The following MOG variants were observed in gnomAD, a reference collection of about 807,000 sequenced individuals.
MOG encodes the protein myelin oligodendrocyte glycoprotein.
MOG carries 20 observed loss-of-function variants against 35.9 expected under a neutral mutation model. That is an observed-to-expected ratio of 0.56 (90% CI 0.39 to 0.81). The LOEUF is 0.81. Ranked by LOEUF, MOG falls within the 30% of genes least tolerant of loss-of-function variation. The pLI is 0.00. For missense variants in MOG, 251 were observed against 301.0 expected, an observed-to-expected ratio of 0.83 and a Z score of 1.23; for synonymous variants, 92 against 114.3, an observed-to-expected ratio of 0.80 and a Z score of 1.25.
In MOG at chr6:29,671,660, A is replaced by C. The variant is rs1363805948; in HGVS notation, c.*475A>C. ...AAGGGAAGGAAGAGGAAGAGTGCAA[A>C]ACATTGAAGAGAGAGCTGAGTGAGC... On this transcript the variant is annotated 3_prime_UTR_variant, in exon 8 of 8. Transcript: ENST00000376917. The C allele has an allele frequency of 3.2e-6, 2 of 615,650 alleles. No homozygotes were observed. Among genetic ancestry groups the C allele is most frequent in the East Asian group, 2.7e-5 (1 of 36,558 alleles). 38.1% of individuals were successfully genotyped at this position (615,650 alleles called of 1,614,324 possible).
rs3095293 is a variant in MOG at position 29,660,564 on chromosome 6, A to G, written c.436+898A>G. On this transcript the variant is annotated intron_variant, in intron 2 of 7. Transcript: ENST00000376917. ...AAAAAAACCCTGTATTTGTGAGCGC[A>G]CACACACACACACACACACACACAC... 5.5e-3 allele frequency among the ~76,000 whole-genome samples: 300 copies of G among 54,264 alleles called. 6 individuals carry two copies. The highest frequency in any genetic ancestry group is 0.029 in the East Asian group (54 of 1,894). 35.6% of individuals were successfully genotyped at this position (54,264 alleles called of 152,430 possible). A position where few individuals can be genotyped will look rare whatever the true frequency, so the allele number is the denominator to read the frequency against.
chr6:29,671,994 A>C lies in MOG; in HGVS notation c.*809A>C, dbSNP rs183570283. 2.2e-3 allele frequency: 341 copies of C among 157,122 alleles called. 8 individuals carry two copies. Among genetic ancestry groups the C allele is most frequent in the Middle Eastern group, 0.013 (4 of 300 alleles). 9.7% of individuals were successfully genotyped at this position (157,122 alleles called of 1,614,324 possible). The stretch of plus-strand genomic sequence containing the variant: ...AAACAAGCTAGGTGCTAATTAATAA[A>C]GATACGAGTTTTGGCCGGGTGCGGT... On this transcript the variant is annotated 3_prime_UTR_variant, in exon 8 of 8. Coordinates refer to ENST00000376917, the MANE Select transcript of MOG (RefSeq NM_206809.4).
At position 29,659,593 on chromosome 6, in the gene MOG, T is replaced by C; in HGVS notation, c.363T>C (p.Asp121=). 2 of 1,613,098 alleles carry C rather than the reference T, an allele frequency of 1.2e-6. No homozygotes were observed. Among genetic ancestry groups the C allele is most frequent in the Non-Finnish European group, 1.7e-6 (2 of 1,180,040 alleles). The change falls in exon 2 of 8, where the codon GAT becomes GAC. Residue 121 remains aspartate, a synonymous_variant. Coordinates refer to ENST00000376917, the MANE Select transcript of MOG (RefSeq NM_206809.4). Reference sequence around the variant, plus strand: ...GGATCCGGAATGTAAGGTTCTCAGATGAAGGAGGTTTCACCTGCTTCTTCC... The same window carrying C: ...GGATCCGGAATGTAAGGTTCTCAGACGAAGGAGGTTTCACCTGCTTCTTCC... The part of the protein sequence containing the change: ...TLRIRNVRFS[D]EGGFTCFFRD...
chr6:29,659,543 A>G lies in MOG; in HGVS notation c.313A>G (p.Ile105Val), dbSNP rs1411616152. Residue 105 changes from isoleucine (I) to valine (V), a missense_variant, in exon 2 of 8, where the codon ATT becomes GTT. Ile to Val is a conservative substitution (Grantham distance 29). Transcript: ENST00000376917. The part of the protein sequence containing the change: ...RGRTELLKDA[I>V]GEGKVTLRIR... ...CCGGACAGAGCTGCTGAAAGATGCTATTGGTGAGGGAAAGGTGACTCTCAG... is the reference window on the plus strand; with the variant it reads ...CCGGACAGAGCTGCTGAAAGATGCTGTTGGTGAGGGAAAGGTGACTCTCAG... The G allele has an allele frequency of 7.4e-6, 12 of 1,612,936 alleles. No homozygotes were observed. In the East Asian group the frequency reaches 1.1e-4, roughly 15 times the overall value.
chr6:29,660,809 A>G (rs1180688534), intron 2 of MOG, among the ~76,000 whole-genome samples: 1 of 150,634 alleles, frequency 6.6e-6, no homozygotes. Flanking sequence ...CCTGGGTTCA[A>G]GTGATTCTCC....
Position 29,667,887 on chromosome 6 carries a change from A to G in MOG, c.572-17A>G. 6.2e-7 allele frequency: 1 copy of G among 1,613,756 alleles called. No homozygotes were observed. Among genetic ancestry groups the G allele is most frequent in the Non-Finnish European group, 8.5e-7 (1 of 1,179,928 alleles). On this transcript the variant is annotated splice_polypyrimidine_tract_variant and intron_variant, in intron 4 of 7. Transcript: ENST00000376917. The stretch of plus-strand genomic sequence containing the variant: ...TGAGTGCCCTACTAAATCCATTTCC[A>G]TTTGTTTCTCTTTCAGAGAATCTCC...
chr6:29,667,326 G>A (rs1351808848), intron 3 of MOG, among the ~76,000 whole-genome samples: 1 of 150,906 alleles, frequency 6.6e-6, no homozygotes, highest in African/African-American at 2.4e-5. Context: ...GATAAACAAA[G>A]TGGCAACGCA....
At position 29,667,643 on chromosome 6, in the gene MOG, G is replaced by C. The variant is rs769919169; in HGVS notation, c.551G>C (p.Gly184Ala). 6.2e-7 allele frequency: 1 copy of C among 1,613,892 alleles called. No individual in the cohort carries two copies. The highest frequency in any genetic ancestry group is 2.2e-5 in the East Asian group (1 of 44,870). ...IFLCLQYRLR[G>A]KLRAEIENLH... ...AAAATGTTGCCTTTTTCTATTTTAG[G>C]AAAACTTCGAGCAGAGATAGGTGAG... The change falls in exon 4 of 8, where the codon GGA (glycine) becomes GCA (alanine). Residue 184 changes from glycine to alanine, a missense_variant and splice_region_variant. Coordinates refer to ENST00000376917, the MANE Select transcript of MOG (RefSeq NM_206809.4).
chr6:29,661,420 G>A (rs1377675355), intron 2 of MOG: 2 of 985,364 alleles, frequency 2.0e-6, no homozygotes, highest in Non-Finnish European at 2.4e-6. Context: ...CGAAAAGTTT[G>A]ATAGTGAGAC....
chr6:29,667,593 C>T, intron 3 of MOG, 50 bp from the exon 4 acceptor site: 2 of 1,611,862 alleles, frequency 1.2e-6, no homozygotes, highest in Non-Finnish European at 1.7e-6. Context: ...AGGGTCCCCA[C>T]CGAGAGCCAG....
intron 3 of MOG, among the ~76,000 whole-genome samples, chr6:29,666,734 T>C (rs2857768): frequency 0.053 from 8,059 of 152,244 alleles, 428 homozygotes; most frequent in African/African-American, 0.14. Context: ...TTGTTTCCTC[T>C]TTCTCCATTC....
Position 29,671,741 on chromosome 6 carries a change from A to G in MOG, c.*556A>G, listed in dbSNP as rs1045019430. 3.8e-6 allele frequency: 2 copies of G among 525,486 alleles called. No individual in the cohort carries two copies. Among genetic ancestry groups the G allele is most frequent in the Non-Finnish European group, 6.8e-6 (2 of 295,164 alleles). 32.6% of individuals were successfully genotyped at this position (525,486 alleles called of 1,614,324 possible). On this transcript the variant is annotated 3_prime_UTR_variant, in exon 8 of 8. Transcript: ENST00000376917. ...CAAACCTGGAGATGGGGAGAAACCT[A>G]CAGAATACTAGCCAGAGCTCCTCCT...
rs772760184 is a variant in MOG at position 29,659,375 on chromosome 6, G to A, written c.145G>A (p.Val49Met). Reference protein sequence around the residue: ...HPIRALVGDEVELPCRISPGK... With the variant: ...HPIRALVGDEMELPCRISPGK... ...TATCCGGGCTCTGGTCGGGGATGAA[G>A]TGGAATTGCCATGTCGCATATCTCC... is the stretch of plus-strand genomic sequence containing the variant. The change falls in exon 2 of 8, where the codon GTG becomes ATG. Residue 49 changes from valine (V) to methionine (M), a missense_variant. By Grantham distance (21) the Val-to-Met change is conservative. Coordinates refer to ENST00000376917, the MANE Select transcript of MOG (RefSeq NM_206809.4). 1 of 1,613,034 alleles carries A rather than the reference G, an allele frequency of 6.2e-7. No individual in the cohort carries two copies. Among genetic ancestry groups the A allele is most frequent in the East Asian group, 2.2e-5 (1 of 44,872 alleles).
chr6:29,669,082 A>G (rs1386481123), intron 5 of MOG, among the ~76,000 whole-genome samples: 43 of 151,956 alleles, frequency 2.8e-4, no homozygotes, highest in Non-Finnish European at 4.4e-5. Context: ...CACCACACCC[A>G]GCTAATTTTT....
intron 2 of MOG, among the ~76,000 whole-genome samples, chr6:29,665,270 A>AT (rs1440599625): frequency 6.6e-6 from 1 of 151,568 alleles, no homozygotes; most frequent in Non-Finnish European, 1.5e-5. Flanking sequence ...CTAATTTTGT[A>AT]TTTTTAGTAG....
chr6:29,667,098 T>G (rs1448028320), intron 3 of MOG, among the ~76,000 whole-genome samples: 1 of 152,160 alleles, frequency 6.6e-6, no homozygotes, highest in Non-Finnish European at 1.5e-5. Context: ...GCAGCCTGGG[T>G]TTGAATTCCA....
intron 2 of MOG, among the ~76,000 whole-genome samples, chr6:29,660,584 ACAC>A (rs1562182915): frequency 2.0e-5 from 3 of 148,784 alleles, no homozygotes; most frequent in African/African-American, 7.5e-5. Context: ...ACACACACAC[ACAC>A]ACCTGTGCTT....
intron 3 of MOG, among the ~76,000 whole-genome samples, chr6:29,666,559 C>T (rs950096607): frequency 9.9e-5 from 15 of 152,048 alleles, no homozygotes; most frequent in African/African-American, 2.7e-4. Context: ...TTACTCAAAC[C>T]GATATAACTT....
At position 29,666,276 on chromosome 6, in the gene MOG, G is replaced by A. The variant is rs1390133832; in HGVS notation, c.550+11G>A. 6.6e-7 allele frequency: 1 copy of A among 1,504,504 alleles called. No individual in the cohort carries two copies. The highest frequency in any genetic ancestry group is 1.4e-5 in the African/African-American group (1 of 72,912). The allele number at this position is 1,504,504 out of a possible 1,614,324, so 93.2% of individuals were successfully genotyped here. On this transcript the variant is annotated intron_variant, in intron 3 of 7. Transcript: ENST00000376917. Reference sequence around the variant, plus strand: ...AGTACAGACTGAGAGGTACAGGGCAGAGGGTGGGTGGATCAGGATCCTTTC... The same window carrying A: ...AGTACAGACTGAGAGGTACAGGGCAAAGGGTGGGTGGATCAGGATCCTTTC...
Sources: gnomAD v4.1 joint callset for allele counts (sites outside exome capture counted in the v4.1 genomes callset) on GRCh38, gnomAD v4.1.1 for gene constraint, MANE v1.5 for transcripts, NCBI Gene and HGNC (gene_info 2026-07-23, HGNC 2026-07-21) for gene names.